The following ADORA2B variants were observed in gnomAD, a reference collection of about 807,000 sequenced individuals.
ADORA2B encodes adenosine A2b receptor.
A neutral mutation model predicts 20.8 loss-of-function variants in ADORA2B; 18 were observed. That is an observed-to-expected ratio of 0.87 (90% CI 0.60 to 1.29). The LOEUF is 1.29. Ranked by LOEUF, ADORA2B falls within the 50% of genes most tolerant of loss-of-function variation. The pLI, the probability that ADORA2B is intolerant of heterozygous loss-of-function variation, is 0.00. For missense variants in ADORA2B, 441 were observed against 422.7 expected (o/e 1.04, Z -0.38); for synonymous variants, 179 against 178.3 (o/e 1.00, Z -0.03).
intron 1 of ADORA2B, among the ~76,000 whole-genome samples, chr17:15,967,766 C>T (rs1259632285): frequency 6.6e-6 from 1 of 152,198 alleles, no homozygotes; most frequent in Non-Finnish European, 1.5e-5. Flanking sequence ...GGTGCACCAT[C>T]CTTCAGGAAC....
At chr17:15,881,663 C>G in the ADORA2B span, among the ~76,000 whole-genome samples, 1,949 of 152,344 alleles carry the variant, frequency 0.013, 24 homozygotes, top group Non-Finnish European at 0.021. Context: ...ACCTCATAGA[C>G]GTGGACTCAC....
At chr17:15,927,649 AAAAAT>A in the ADORA2B span, among the ~76,000 whole-genome samples, 12 of 152,350 alleles carry the variant, frequency 7.9e-5, no homozygotes, top group East Asian at 9.6e-4. Context: ...CTCCGTCTCA[AAAAAT>A]AAAATAAAAT....
the ADORA2B span, among the ~76,000 whole-genome samples, chr17:15,911,227 C>T: frequency 6.6e-6 from 1 of 152,242 alleles, no homozygotes; most frequent in African/African-American, 2.4e-5. Context: ...AGAGTTATTA[C>T]TTGTGCTGCT....
At chr17:15,970,318 A>G (rs1322424226) in intron 1 of ADORA2B, among the ~76,000 whole-genome samples, 2 of 152,182 alleles carry the variant, frequency 1.3e-5, no homozygotes, top group African/African-American at 4.8e-5. Context: ...TGATTTAATT[A>G]GCTGCTTTTC....
At chr17:15,954,756 G>C (rs1187490346) in intron 1 of ADORA2B, among the ~76,000 whole-genome samples, 1 of 152,226 alleles carries the variant, frequency 6.6e-6, no homozygotes, top group Non-Finnish European at 1.5e-5. Flanking sequence ...AACAGAGTGA[G>C]ACCCTGTCTC....
At chr17:15,853,550 A>G in the ADORA2B span, among the ~76,000 whole-genome samples, 4 of 152,348 alleles carry the variant, frequency 2.6e-5, no homozygotes, top group Non-Finnish European at 5.9e-5. Context: ...GTATAGTACT[A>G]CTCTATAAAT....
the ADORA2B span, among the ~76,000 whole-genome samples, chr17:15,872,318 A>G: frequency 2.6e-3 from 403 of 152,318 alleles, 4 homozygotes; most frequent in African/African-American, 9.2e-3. Flanking sequence ...TTTGGTAACT[A>G]GTATAATTTG....
chr17:15,890,794 C>T, the ADORA2B span, among the ~76,000 whole-genome samples: 4 of 152,042 alleles, frequency 2.6e-5, no homozygotes, highest in Admixed American at 1.3e-4. Flanking sequence ...AGAGGGTAGC[C>T]GAAGCAGCCC....
the ADORA2B span, among the ~76,000 whole-genome samples, chr17:15,874,523 A>G: frequency 6.6e-6 from 1 of 151,334 alleles, no homozygotes; most frequent in African/African-American, 2.4e-5. Flanking sequence ...CCCTGTGTCT[A>G]CCAAAAAAAA....
chr17:15,964,878 G>T (rs187796670), intron 1 of ADORA2B, among the ~76,000 whole-genome samples: 4 of 152,030 alleles, frequency 2.6e-5, no homozygotes, highest in South Asian at 2.1e-4. Flanking sequence ...TGGCTAACAC[G>T]GTGAAACCCC....
At chr17:15,876,076 TG>T in the ADORA2B span, among the ~76,000 whole-genome samples, 1 of 152,230 alleles carries the variant, frequency 6.6e-6, no homozygotes, top group African/African-American at 2.4e-5. Context: ...CTCTCTTTTT[TG>T]ATCTTCTGTG....
At position 15,974,689 on chromosome 17, in the gene ADORA2B, T is replaced by C. The variant is rs745807521; in HGVS notation, c.346T>C (p.Leu116=). ...TATTCTTTTAAACAGGTATAAAAGTTTGGTCACGGGGACCCGAGCAAGAGG... is the reference window on the plus strand; with the variant it reads ...TATTCTTTTAAACAGGTATAAAAGTCTGGTCACGGGGACCCGAGCAAGAGG... The part of the protein sequence containing the change: ...AICVPLRYKS[L]VTGTRARGVI... Residue 116 remains leucine (L), a synonymous_variant, in exon 2 of 2, where the codon TTG becomes CTG. Transcript: ENST00000304222. The C allele has an allele frequency of 1.2e-6, 2 of 1,612,914 alleles. No individual in the cohort carries two copies. The highest frequency in any genetic ancestry group is 1.1e-5 in the South Asian group (1 of 91,020).
chr17:15,891,889 C>T, the ADORA2B span, among the ~76,000 whole-genome samples: 1 of 146,682 alleles, frequency 6.8e-6, no homozygotes, highest in Non-Finnish European at 1.5e-5. Flanking sequence ...CCTCTGTCGC[C>T]TAGGCTGGAG....
At chr17:15,924,957 C>T in the ADORA2B span, among the ~76,000 whole-genome samples, 1 of 151,782 alleles carries the variant, frequency 6.6e-6, no homozygotes, top group Admixed American at 6.6e-5. Context: ...TCACTGTACC[C>T]TTAACTTCCT....
chr17:15,948,546 C>T (rs889682880), intron 1 of ADORA2B, among the ~76,000 whole-genome samples: 1 of 152,202 alleles, frequency 6.6e-6, no homozygotes, highest in East Asian at 1.9e-4. Context: ...GGAGCACTTC[C>T]TCCTCCCTGC....
chr17:15,949,401 T>C (rs112267055), intron 1 of ADORA2B, among the ~76,000 whole-genome samples: 6 of 151,546 alleles, frequency 4.0e-5, no homozygotes, highest in African/African-American at 1.5e-4. Context: ...TAATCCCAGC[T>C]ACTCGGGAGG....
chr17:15,956,580 T>G (rs1969968654), intron 1 of ADORA2B, among the ~76,000 whole-genome samples: 2 of 149,744 alleles, frequency 1.3e-5, no homozygotes, highest in Non-Finnish European at 3.0e-5. Flanking sequence ...TTTAGGATGA[T>G]TATGTGTGTC....
chr17:15,948,404 G>GGGGGGGGGGGAGGGC (rs924189170), intron 1 of ADORA2B, among the ~76,000 whole-genome samples: 1 of 21,892 alleles, frequency 4.6e-5, no homozygotes, highest in Non-Finnish European at 4.1e-4. Flanking sequence ...CTGGCGGCGG[G>GGGGGGGGGGGAGGGC]GGGCTCCAGT....
chr17:15,897,227 C>T, the ADORA2B span, among the ~76,000 whole-genome samples: 5 of 152,080 alleles, frequency 3.3e-5, no homozygotes, highest in Admixed American at 1.3e-4. Context: ...CATCTAGACC[C>T]ATTATAATGA....
Sources: gnomAD v4.1 joint callset for allele counts (sites outside exome capture counted in the v4.1 genomes callset) on GRCh38, gnomAD v4.1.1 for gene constraint, MANE v1.5 for transcripts, NCBI Gene and HGNC (gene_info 2026-07-23, HGNC 2026-07-21) for gene names.